The following DNAH12 variants were observed in gnomAD, a reference collection of about 807,000 sequenced individuals.
DNAH12 encodes the protein dynein axonemal heavy chain 12.
Under a neutral mutation model 371.5 loss-of-function variants are expected in DNAH12, and 285 were observed. That is an observed-to-expected ratio of 0.77 (90% CI 0.70 to 0.85). The LOEUF (loss-of-function observed/expected upper bound fraction) is 0.85. DNAH12 is among the 40% of genes least tolerant of loss of function. The pLI, the probability that DNAH12 is intolerant of heterozygous loss-of-function variation, is 0.00. For synonymous variants in DNAH12, 1,200 were observed against 1,213.0 expected (o/e 0.99, Z 0.22); for missense variants, 3,611 against 3,689.4 (o/e 0.98, Z 0.55).
At chr3:57,515,128 TGAGA>T (rs1196605214) in intron 4 of DNAH12, among the ~76,000 whole-genome samples, 1 of 151,186 alleles carries the variant, frequency 6.6e-6, no homozygotes, top group Non-Finnish European at 1.5e-5. Flanking sequence ...CCATGGGTTT[TGAGA>T]GAGAGAGAGA....
chr3:57,408,145 T>C, intron 40 of DNAH12, 135 bp downstream of exon 40: 1 of 965,888 alleles, frequency 1.0e-6, no homozygotes, highest in Non-Finnish European at 1.4e-6. Context: ...AATCCTGTGA[T>C]CTTCCTATTC....
At chr3:57,521,775 T>C (rs775244112) in intron 4 of DNAH12, among the ~76,000 whole-genome samples, 19 of 151,914 alleles carry the variant, frequency 1.3e-4, no homozygotes, top group Non-Finnish European at 2.8e-4. Flanking sequence ...TAATCTTAGC[T>C]ACTCAGGAGG....
At chr3:57,356,780 C>T (rs1228803803) in intron 59 of DNAH12, among the ~76,000 whole-genome samples, 6 of 151,938 alleles carry the variant, frequency 3.9e-5, no homozygotes, top group African/African-American at 9.7e-5. Context: ...CACTCTGTTG[C>T]GCAGGCTGGA....
intron 29 of DNAH12, among the ~76,000 whole-genome samples, chr3:57,438,821 C>T (rs2065213091): frequency 1.3e-5 from 2 of 149,116 alleles, no homozygotes; most frequent in South Asian, 4.2e-4. Flanking sequence ...GCAGTAGTGG[C>T]ACGCACCTGT....
rs1344814104 is a variant in DNAH12, at chr3:57,334,569, A to G, written c.9874T>C (p.Tyr3292His). 1.9e-6 allele frequency: 3 copies of G among 1,550,176 alleles called. No individual in the cohort carries two copies. Among genetic ancestry groups the G allele is most frequent in the South Asian group, 1.2e-5 (1 of 83,632 alleles). ...CEHIYEWREI[Y>H]DSKEPHNAKF... ...GCATTATGTGGCTCTTTACTGTCAT[A>G]GATTTCTCGCCATTCATATATATGT... The change falls in exon 62 of 74, where the codon TAT becomes CAT. Residue 3292 changes from tyrosine (Y) to histidine (H), a missense_variant. Physicochemically the swap from Tyr to His is moderately conservative, Grantham distance 83. Around this residue, in one of 3 missense-constraint regions of DNAH12, gnomAD observed 2,266 missense variants for 2,236.9 expected, o/e 1.01. Coordinates refer to ENST00000495027, the MANE Select transcript of DNAH12 (RefSeq NM_001366028.2).
At position 57,471,360 on chromosome 3, in the gene DNAH12, G is replaced by T. The variant is rs894368510; in HGVS notation, c.1911+112C>A. On this transcript the variant is annotated intron_variant, in intron 15 of 73. Coordinates refer to ENST00000495027, the MANE Select transcript of DNAH12 (RefSeq NM_001366028.2). ...TATGTAATATATAGAAAAATATAGA[G>T]TAAACATAAAAAAATAGTAAACATA... 26 of 983,754 alleles carry T rather than the reference G, an allele frequency of 2.6e-5. No individual in the cohort carries two copies. The African/African-American group carries it at 4.1e-4, about 16-fold the overall frequency. The allele number at this position is 983,754 out of a possible 1,614,324, so 60.9% of individuals were successfully genotyped here.
intron 45 of DNAH12, among the ~76,000 whole-genome samples, chr3:57,391,605 GTA>G (rs1329503163): frequency 1.3e-5 from 2 of 151,954 alleles, no homozygotes; most frequent in Non-Finnish European, 2.9e-5. Flanking sequence ...CACTGCCTTC[GTA>G]TATATACCCT....
intron 8 of DNAH12, among the ~76,000 whole-genome samples, 197 bp downstream of exon 8, chr3:57,507,446 T>C (rs1282169853): frequency 1.3e-5 from 2 of 152,194 alleles, no homozygotes; most frequent in Non-Finnish European, 2.9e-5. Context: ...AATACTAATA[T>C]ATACTTCTAG....
intron 37 of DNAH12, among the ~76,000 whole-genome samples, chr3:57,417,726 C>T (rs2064424335): frequency 6.6e-6 from 1 of 152,224 alleles, no homozygotes; most frequent in Non-Finnish European, 1.5e-5. Context: ...CCCATTCCTT[C>T]TTCAAAGGTA....
intron 2 of DNAH12, among the ~76,000 whole-genome samples, chr3:57,542,141 A>C (rs1377145368): frequency 1.1e-5 from 1 of 89,072 alleles, no homozygotes; most frequent in Non-Finnish European, 2.0e-5. Flanking sequence ...AATTAGTTTT[A>C]ATTTCCACTA....
At chr3:57,325,353 T>A (rs9790207) in intron 62 of DNAH12, among the ~76,000 whole-genome samples, 4 of 152,002 alleles carry the variant, frequency 2.6e-5, no homozygotes, top group Admixed American at 6.6e-5. Context: ...CTCACACGGC[T>A]GGGTACTCCT....
At chr3:57,504,788 G>A (rs1029805423) in intron 8 of DNAH12, among the ~76,000 whole-genome samples, 8 of 152,068 alleles carry the variant, frequency 5.3e-5, no homozygotes, top group Non-Finnish European at 1.0e-4. Flanking sequence ...ATTAAATTAT[G>A]TTTTGCTGTA....
chr3:57,422,265 T>C lies in DNAH12; in HGVS notation c.5374-559A>G, dbSNP rs547021536. On this transcript the variant is annotated intron_variant, in intron 35 of 73. Transcript: ENST00000495027. Reference sequence around the variant, plus strand: ...TCTTTTTTGAGACAGTCTCACTCTCTCACCCAGGCTGGAGTACAGTGGTGC... The same window carrying C: ...TCTTTTTTGAGACAGTCTCACTCTCCCACCCAGGCTGGAGTACAGTGGTGC... Among the ~76,000 whole-genome samples the C allele has an allele frequency of 2.6e-5, 4 of 151,992 alleles. No homozygotes were observed. The East Asian group carries it at 7.7e-4, about 29-fold the overall frequency.
intron 25 of DNAH12, among the ~76,000 whole-genome samples, chr3:57,448,547 G>A (rs961976624): frequency 3.3e-5 from 5 of 152,236 alleles, no homozygotes; most frequent in African/African-American, 1.2e-4. Context: ...CCCAGAGTGA[G>A]CAGTAGCAAG....
chr3:57,364,687 A>C (rs1168694578), intron 57 of DNAH12, among the ~76,000 whole-genome samples: 1 of 152,248 alleles, frequency 6.6e-6, no homozygotes, highest in African/African-American at 2.4e-5. Flanking sequence ...GACAACCTAC[A>C]GAATGGGAGA....
At chr3:57,355,647 T>TA (rs1310860891) in intron 59 of DNAH12, among the ~76,000 whole-genome samples, 8 of 152,188 alleles carry the variant, frequency 5.3e-5, no homozygotes, top group African/African-American at 1.9e-4. Context: ...ACCAGCAGTG[T>TA]AAGAGGGTTC....
intron 52 of DNAH12, among the ~76,000 whole-genome samples, chr3:57,378,234 C>CT (rs2063321579): frequency 6.6e-6 from 1 of 151,932 alleles, no homozygotes; most frequent in Non-Finnish European, 1.5e-5. Context: ...GCCTGAGTGC[C>CT]TTGGCTTCTC....
chr3:57,310,996 A>T (rs760653128), intron 66 of DNAH12, 46 bp from the exon 67 acceptor site: 1 of 1,313,766 alleles, frequency 7.6e-7, no homozygotes, highest in South Asian at 1.3e-5. Flanking sequence ...AAAGTATTTC[A>T]CTTCATTTCC....
Position 57,443,813 on chromosome 3 carries a change from A to G in DNAH12, c.4545+884T>C, listed in dbSNP as rs536742072. Among the ~76,000 whole-genome samples, 3 of 152,340 alleles carry G rather than the reference A, an allele frequency of 2.0e-5. No individual in the cohort carries two copies. The South Asian group carries it at 6.2e-4, about 32-fold the overall frequency. Reference sequence around the variant, plus strand: ...TTCATTTCTATCTAATAAAATACACAATAGTATTTAGTATGCAATACTATA... The same window carrying G: ...TTCATTTCTATCTAATAAAATACACGATAGTATTTAGTATGCAATACTATA... On this transcript the variant is annotated intron_variant, in intron 29 of 73. Transcript: ENST00000495027.
Sources: gnomAD v4.1 joint callset for allele counts (sites outside exome capture counted in the v4.1 genomes callset) on GRCh38, gnomAD v4.1.1 for gene constraint, gnomAD v4.1.1 regional missense constraint, MANE v1.5 for transcripts, NCBI Gene and HGNC (gene_info 2026-07-23, HGNC 2026-07-21) for gene names.